The following CCP110 variants were observed in gnomAD, a reference collection of about 807,000 sequenced individuals.
The protein encoded by CCP110 is centriolar coiled-coil protein of 110 kDa.
In CCP110, 43 loss-of-function variants were observed where a neutral mutation model predicts 105.5. The ratio of observed to expected loss-of-function variants is 0.41; its 90% CI spans 0.32 to 0.53. The LOEUF (loss-of-function observed/expected upper bound fraction) is 0.53, where lower values mean the gene tolerates loss of function less well. Among genes scored for constraint, CCP110 ranks in the 20% least tolerant of loss-of-function variants. The probability of loss-of-function intolerance (pLI) is 0.32; values close to 1 mark genes in which losing one functional copy is unlikely to be tolerated. For missense variants in CCP110, 1,016 were observed against 1,189.1 expected, an observed-to-expected ratio of 0.85 and a Z score of 2.14; for synonymous variants, 353 against 392.1, an observed-to-expected ratio of 0.90 and a Z score of 1.18.
At chr16:19,533,234 C>CA (rs11453382) in intron 3 of CCP110, among the ~76,000 whole-genome samples, 30,471 of 151,978 alleles carry the variant, frequency 0.2, 3,203 homozygotes, top group African/African-American at 0.24. Context: ...TAATTCGTAT[C>CA]GATGACACGT....
chr16:19,549,551 C>A (rs544676421), intron 14 of CCP110, among the ~76,000 whole-genome samples: 33 of 152,208 alleles, frequency 2.2e-4, no homozygotes, highest in African/African-American at 7.9e-4. Context: ...TTTAAAAGAT[C>A]ATCTTTGGAA....
intron 4 of CCP110, among the ~76,000 whole-genome samples, chr16:19,539,801 TC>T (rs1174640502): frequency 6.6e-6 from 1 of 150,808 alleles, no homozygotes; most frequent in African/African-American, 2.5e-5. Flanking sequence ...AGTGGAAATT[TC>T]TTTTTTTTTT....
chr16:19,552,357 C>A (rs1172128152), exon 15 of CCP110: 1 of 151,986 alleles, frequency 6.6e-6, no homozygotes, highest in Non-Finnish European at 1.5e-5. Context: ...ATGGCGAAAC[C>A]CCATCTGTAC....
chr16:19,534,691 A>C (rs533530500), intron 3 of CCP110, among the ~76,000 whole-genome samples: 1 of 152,004 alleles, frequency 6.6e-6, no homozygotes, highest in African/African-American at 2.4e-5. Context: ...ACCTTTTTGC[A>C]TCTTTTTTGT....
chr16:19,543,067 C>T (rs779477637), intron 8 of CCP110, 73 bp downstream of exon 8: 26 of 826,456 alleles, frequency 3.1e-5, no homozygotes, highest in Non-Finnish European at 4.9e-5. Context: ...GCTGAGCTAA[C>T]AGATTAGTTC....
chr16:19,548,117 C>T lies in CCP110; in HGVS notation c.2900+103C>T. Reference sequence around the variant, plus strand: ...CTTTATGTAAAGGATAATGGTTTTTCAATGGGATTTTTTTTCTTTATAGCA... The same window carrying T: ...CTTTATGTAAAGGATAATGGTTTTTTAATGGGATTTTTTTTCTTTATAGCA... On this transcript the variant is annotated intron_variant, in intron 13 of 14. Coordinates refer to ENST00000381396, the Ensembl canonical transcript of CCP110. The surrounding 1 kb of genome is among the most constrained non-coding windows in gnomAD (Gnocchi z 4.1). 1.2e-6 allele frequency: 1 copy of T among 865,928 alleles called. No homozygotes were observed. The highest frequency in any genetic ancestry group is 2.4e-5 in the East Asian group (1 of 41,010). 53.6% of individuals were successfully genotyped at this position (865,928 alleles called of 1,614,324 possible). A position where few individuals can be genotyped will look rare whatever the true frequency, so the allele number is the denominator to read the frequency against.
rs34062018 is a variant in CCP110 at position 19,535,333 on chromosome 16, A to ACATT, written c.271-582_271-579dup. On this transcript the variant is annotated intron_variant, in intron 3 of 14. Transcript: ENST00000381396. ...ATTTAGATACAAAATATCTATTTTT[A>ACATT]CATTCATTCATTCATTCATTCATTC... Among the ~76,000 whole-genome samples, 113 of 152,000 alleles carry ACATT rather than the reference A, an allele frequency of 7.4e-4. 1 individual carries two copies. In the South Asian group the frequency reaches 8.5e-3, roughly 11 times the overall value.
Position 19,544,908 on chromosome 16 carries a change from T to C in CCP110, c.2586+10T>C, listed in dbSNP as rs774127665. ...AAGAGTGTTAGCTCAGGTAAATACATGGATCCTGAAGGCTTTTAAGACATG... is the reference window on the plus strand; with the variant it reads ...AAGAGTGTTAGCTCAGGTAAATACACGGATCCTGAAGGCTTTTAAGACATG... On this transcript the variant is annotated intron_variant, in intron 9 of 14. Coordinates refer to ENST00000381396, the Ensembl canonical transcript of CCP110. The C allele has an allele frequency of 7.1e-7, 1 of 1,413,082 alleles. No homozygotes were observed. Among genetic ancestry groups the C allele is most frequent in the South Asian group, 1.2e-5 (1 of 83,706 alleles). 87.5% of individuals were successfully genotyped at this position (1,413,082 alleles called of 1,614,324 possible).
intron 1 of CCP110, chr16:19,525,467 T>C (rs1969638688): frequency 6.6e-6 from 1 of 152,200 alleles, no homozygotes. Context: ...CAGTGGTAAT[T>C]GTAGTGTGAA....
intron 8 of CCP110, among the ~76,000 whole-genome samples, chr16:19,543,978 TCTC>T (rs1970376707): frequency 1.3e-5 from 2 of 152,166 alleles, no homozygotes; most frequent in Non-Finnish European, 2.9e-5. Context: ...TGATCTTTGT[TCTC>T]CTTTTTGCCC....
intron 2 of CCP110, among the ~76,000 whole-genome samples, chr16:19,529,486 A>G (rs1969788421): frequency 6.6e-6 from 1 of 152,246 alleles, no homozygotes; most frequent in Admixed American, 6.5e-5. Context: ...GACCACCCAT[A>G]GATTTACCAT....
rs182981361 is a variant in CCP110, at chr16:19,525,170, T to A, written c.-16+1082T>A. 3.9e-5 allele frequency: 6 copies of A among 152,088 alleles called. No individual in the cohort carries two copies. In the East Asian group the frequency reaches 9.6e-4, roughly 24 times the overall value. The allele number at this position is 152,088 out of a possible 1,614,324, so 9.4% of individuals were successfully genotyped here. On this transcript the variant is annotated intron_variant, in intron 1 of 14. Coordinates refer to ENST00000381396, the Ensembl canonical transcript of CCP110. ...TAGGTTCTGCAAAAAAAAAGCAGGATCTGTTCTGTGTTACTTTTACCACTC... is the reference window on the plus strand; with the variant it reads ...TAGGTTCTGCAAAAAAAAAGCAGGAACTGTTCTGTGTTACTTTTACCACTC...
intron 6 of CCP110, 38 bp downstream of exon 6, chr16:19,542,102 A>C: frequency 7.4e-7 from 1 of 1,346,278 alleles, no homozygotes; most frequent in South Asian, 1.4e-5. Context: ...TGGGAAAGTG[A>C]TCCTACGGTA....
intron 10 of CCP110, 151 bp from the exon 11 acceptor site, chr16:19,545,666 C>T: frequency 1.7e-6 from 1 of 582,844 alleles, no homozygotes; most frequent in Non-Finnish European, 3.0e-6. Flanking sequence ...TAGAATTAGA[C>T]TGCTTCAAAA....
At chr16:19,544,768 T>G (rs1177931175) in intron 8 of CCP110, 29 bp from the exon 9 acceptor site, 9 of 1,137,262 alleles carry the variant, frequency 7.9e-6, no homozygotes, top group Non-Finnish European at 1.2e-5. Flanking sequence ...TCTAGAAAAA[T>G]GTTTTTGAAG....
intron 14 of CCP110, among the ~76,000 whole-genome samples, chr16:19,550,231 A>G (rs1157651964): frequency 3.3e-5 from 5 of 151,650 alleles, no homozygotes; most frequent in Admixed American, 2.6e-4. Flanking sequence ...GGCTCACTGC[A>G]ATCTCCACCT....
chr16:19,541,921 A>C, exon 6 of CCP110: 1 of 1,599,236 alleles, frequency 6.3e-7, no homozygotes, highest in Non-Finnish European at 8.5e-7. Flanking sequence ...TTAAAAGAGA[A>C]GAAGGCAATG....
chr16:19,551,259 T>C (rs1168932271), exon 15 of CCP110: 2 of 1,606,852 alleles, frequency 1.2e-6, no homozygotes, highest in Non-Finnish European at 1.7e-6. Context: ...GAAGACAACA[T>C]TCATTAGGAT....
At chr16:19,536,430 G>T in exon 4 of CCP110, 1 of 1,613,634 alleles carries the variant, frequency 6.2e-7, no homozygotes, top group Non-Finnish European at 8.5e-7. Context: ...AGTATCAACA[G>T]AATTGTTAAT....
Sources: allele counts gnomAD v4.1 joint callset (sites outside exome capture counted in the v4.1 genomes callset), GRCh38; gene constraint gnomAD v4.1.1; non-coding constraint Gnocchi (gnomAD v3.1); transcripts MANE v1.5; gene names NCBI Gene and HGNC (gene_info 2026-07-23, HGNC 2026-07-21).